OGDHL: variants seen among roughly 807,000 people sequenced by gnomAD.
The protein encoded by OGDHL is oxoglutarate dehydrogenase L.
Under a neutral mutation model 109.6 loss-of-function variants are expected in OGDHL, and 79 were observed. That is an observed-to-expected ratio of 0.72 (90% CI 0.60 to 0.87). The LOEUF (loss-of-function observed/expected upper bound fraction) is 0.87, where lower values mean the gene tolerates loss of function less well. OGDHL is among the 40% of genes least tolerant of loss of function. The probability of loss-of-function intolerance (pLI) is 0.00; values close to 1 mark genes in which losing one functional copy is unlikely to be tolerated. For missense variants in OGDHL, 1,275 were observed against 1,362.2 expected, an observed-to-expected ratio of 0.94 and a Z score of 1.01; for synonymous variants, 528 against 537.2, an observed-to-expected ratio of 0.98 and a Z score of 0.24.
At chr10:49,760,990 C>A (rs906395902) in intron 1 of OGDHL, among the ~76,000 whole-genome samples, 3 of 152,240 alleles carry the variant, frequency 2.0e-5, no homozygotes, top group African/African-American at 7.2e-5. Flanking sequence ...ACTAAACAGT[C>A]TGGGTTGGCC....
rs867353136 is a variant in OGDHL at position 49,740,738 on chromosome 10, G to A, written c.2112C>T (p.Asn704=). The A allele has an allele frequency of 6.2e-7, 1 of 1,613,884 alleles. No individual in the cohort carries two copies. The highest frequency in any genetic ancestry group is 2.2e-5 in the East Asian group (1 of 44,880). ...WPDQAPYTVC[N]SSLSEYGVLG... is the part of the protein sequence containing the mutation. The stretch of plus-strand genomic sequence containing the variant: ...GGACTCCGTACTCCGAGAGGGAGCT[G>A]TTGCACACGGTGTACGGGGCCTGGT... Residue 704 remains asparagine (N), a synonymous_variant, in exon 16 of 23, where the codon AAC becomes AAT. Transcript: ENST00000374103.
intron 4 of OGDHL, 144 bp from the exon 5 acceptor site, chr10:49,752,392 G>A (rs1332131136): frequency 9.7e-6 from 7 of 720,870 alleles, no homozygotes; most frequent in Non-Finnish European, 1.5e-5. Context: ...AGAAGTGAGA[G>A]TGAGCCCAGG....
chr10:49,746,366 A>G (rs1842188270), intron 10 of OGDHL, among the ~76,000 whole-genome samples: 1 of 152,224 alleles, frequency 6.6e-6, no homozygotes, highest in South Asian at 2.1e-4. Flanking sequence ...TTCAAGGACG[A>G]TGACGTGACT....
At chr10:49,737,018 C>G (rs1440116588) in intron 20 of OGDHL, among the ~76,000 whole-genome samples, 2 of 152,162 alleles carry the variant, frequency 1.3e-5, no homozygotes, top group African/African-American at 4.8e-5. Flanking sequence ...CCCCAGGTCA[C>G]GCACACTGCA....
chr10:49,751,011 G>A (rs1299558375), intron 6 of OGDHL, 26 bp from the exon 7 acceptor site: 2 of 1,562,496 alleles, frequency 1.3e-6, no homozygotes, highest in Admixed American at 1.8e-5. Flanking sequence ...ATGGGAAGAG[G>A]AAAGGGAAAG....
chr10:49,735,030 C>A lies in OGDHL; in HGVS notation c.*198G>T. On this transcript the variant is annotated 3_prime_UTR_variant, in exon 23 of 23. Coordinates refer to ENST00000374103, the MANE Select transcript of OGDHL (RefSeq NM_018245.3). Reference sequence around the variant, plus strand: ...GCACAGTAGCCTGCCTATAGGACTCCTCTGGCTCCCTCAGTCCTGGTAGAT... The same window carrying A: ...GCACAGTAGCCTGCCTATAGGACTCATCTGGCTCCCTCAGTCCTGGTAGAT... 1.7e-6 allele frequency: 1 copy of A among 590,264 alleles called. No homozygotes were observed. Among genetic ancestry groups the A allele is most frequent in the South Asian group, 2.3e-5 (1 of 44,068 alleles). 36.6% of individuals were successfully genotyped at this position (590,264 alleles called of 1,614,324 possible). A position where few individuals can be genotyped will look rare whatever the true frequency, so the allele number is the denominator to read the frequency against.
chr10:49,753,075 C>T (rs964499528), intron 3 of OGDHL, among the ~76,000 whole-genome samples: 6 of 148,878 alleles, frequency 4.0e-5, no homozygotes, highest in Non-Finnish European at 9.0e-5. Context: ...TGGATATGGG[C>T]GATCCACACA....
At chr10:49,757,585 CCA>C (rs1351793155) in intron 2 of OGDHL, among the ~76,000 whole-genome samples, 1 of 152,126 alleles carries the variant, frequency 6.6e-6, no homozygotes, top group East Asian at 1.9e-4. Flanking sequence ...GCACTGTTCG[CCA>C]CAGTCAGAGA....
Position 49,738,248 on chromosome 10 carries a change from C to G in OGDHL, c.2334G>C (p.Ser778=). 2 of 1,613,174 alleles carry G rather than the reference C, an allele frequency of 1.2e-6. No homozygotes were observed. ...GCAGGAACCTTTCGGGCCTCGCTGA[C>G]GAGTGCTCTGGGCCCTGAAAGCAAA... ...HGMEGMGPEH[S]SARPERFLQM... is the part of the protein sequence containing the mutation. The change falls in exon 18 of 23, where the codon TCG becomes TCC. Residue 778 remains serine (S), a synonymous_variant. Transcript: ENST00000374103.
chr10:49,735,000 C>T lies in OGDHL; in HGVS notation c.*228G>A. On this transcript the variant is annotated 3_prime_UTR_variant, in exon 23 of 23. Coordinates refer to ENST00000374103, the MANE Select transcript of OGDHL (RefSeq NM_018245.3). Reference sequence around the variant, plus strand: ...GCAAGATGGGAGCAGCTGGGGGATGCTCCAGCACAGTAGCCTGCCTATAGG... The same window carrying T: ...GCAAGATGGGAGCAGCTGGGGGATGTTCCAGCACAGTAGCCTGCCTATAGG... 3 of 434,054 alleles carry T rather than the reference C, an allele frequency of 6.9e-6. No homozygotes were observed. Among genetic ancestry groups the T allele is most frequent in the Non-Finnish European group, 8.1e-6 (2 of 246,964 alleles). The allele number at this position is 434,054 out of a possible 1,614,324, so 26.9% of individuals were successfully genotyped here.
Position 49,750,845 on chromosome 10 carries a change from G to C in OGDHL, c.890C>G (p.Pro297Arg). The C allele has an allele frequency of 1.2e-6, 2 of 1,609,876 alleles. No individual in the cohort carries two copies. Among genetic ancestry groups the C allele is most frequent in the Non-Finnish European group, 1.7e-6 (2 of 1,177,982 alleles). The change falls in exon 7 of 23, where the codon CCA (proline) becomes CGA (arginine). Residue 297 changes from proline to arginine, a missense_variant. Physicochemically the swap from Pro to Arg is moderately radical, Grantham distance 103. Transcript: ENST00000374103. ...AGCAGGGAGGGGGACCCACCTGTGT[G>C]GCATCCCCAAGATGACATTCTCAAT... Reference protein sequence around the residue: ...MGIENVILGMPHRGRLNVLAN... With the variant: ...MGIENVILGMRHRGRLNVLAN...
At chr10:49,736,243 A>G (rs1841163237) in intron 21 of OGDHL, 66 bp from the exon 22 acceptor site, 3 of 1,572,142 alleles carry the variant, frequency 1.9e-6, no homozygotes, top group African/African-American at 2.7e-5. Context: ...ACCCCCGGAC[A>G]GGAGGCACAG....
At chr10:49,758,953 G>A (rs1179892682) in intron 1 of OGDHL, among the ~76,000 whole-genome samples, 3 of 151,932 alleles carry the variant, frequency 2.0e-5, no homozygotes, top group East Asian at 1.9e-4. Context: ...GAGCCCACTC[G>A]GAGAGCCACA....
intron 17 of OGDHL, 183 bp downstream of exon 17, chr10:49,739,478 G>T: frequency 1.6e-6 from 1 of 638,000 alleles, no homozygotes; most frequent in Non-Finnish European, 2.5e-6. Context: ...GCTGCCAGGG[G>T]TAGCATCATC....
intron 20 of OGDHL, among the ~76,000 whole-genome samples, chr10:49,737,543 G>T (rs779499341): frequency 3.3e-5 from 5 of 152,178 alleles, no homozygotes; most frequent in Non-Finnish European, 5.9e-5. Flanking sequence ...GACCAGCCCT[G>T]CTAGGGTCTA....
chr10:49,758,805 A>G, intron 1 of OGDHL: 1 of 601,554 alleles, frequency 1.7e-6, no homozygotes, highest in Non-Finnish European at 3.0e-6. Flanking sequence ...CTATCAATAG[A>G]TATCAAACAG....
intron 8 of OGDHL, 35 bp downstream of exon 8, chr10:49,749,691 C>T: frequency 6.5e-7 from 1 of 1,544,806 alleles, no homozygotes; most frequent in East Asian, 2.4e-5. Context: ...ACACCCAGCT[C>T]TCCAAGGGTG....
chr10:49,751,698 G>T, intron 6 of OGDHL, 129 bp downstream of exon 6: 1 of 1,225,568 alleles, frequency 8.2e-7, no homozygotes, highest in Non-Finnish European at 1.1e-6. Context: ...CCTCCCTGCA[G>T]CCAGTGGTGA....
At position 49,746,749 on chromosome 10, in the gene OGDHL, C is replaced by T; in HGVS notation, c.1296+1G>A. The T allele has an allele frequency of 6.2e-7, 1 of 1,614,030 alleles. No individual in the cohort carries two copies. Among genetic ancestry groups the T allele is most frequent in the Non-Finnish European group, 8.5e-7 (1 of 1,179,934 alleles). On this transcript the variant is annotated splice_donor_variant, in intron 10 of 22. Coordinates refer to ENST00000374103, the MANE Select transcript of OGDHL (RefSeq NM_018245.3). LOFTEE classifies it high-confidence loss of function. ...GCCCAGCGTGGAGCCTACATGCTCACCTGGTTGTTGACGACGACGTGCACG... is the reference window on the plus strand; with the variant it reads ...GCCCAGCGTGGAGCCTACATGCTCATCTGGTTGTTGACGACGACGTGCACG...
Sources: gnomAD v4.1 joint callset for allele counts (sites outside exome capture counted in the v4.1 genomes callset) on GRCh38, gnomAD v4.1.1 for gene constraint, MANE v1.5 for transcripts, NCBI Gene and HGNC (gene_info 2026-07-23, HGNC 2026-07-21) for gene names.